Variants in PACRG observed in about 807,000 individuals in gnomAD.
PACRG encodes the protein parkin coregulated, also known as parkin coregulated gene protein.
A neutral mutation model predicts 29.7 loss-of-function variants in PACRG; 29 were observed. That is an observed-to-expected ratio of 0.98 (90% CI 0.73 to 1.33). PACRG has a LOEUF of 1.33. PACRG is among the 40% of genes most tolerant of loss of function. The pLI, the probability that PACRG is intolerant of heterozygous loss-of-function variation, is 0.00. For missense variants in PACRG, 279 were observed against 316.2 expected, an observed-to-expected ratio of 0.88 and a Z score of 0.89; for synonymous variants, 116 against 118.7, an observed-to-expected ratio of 0.98 and a Z score of 0.15.
At chr6:163,112,126 A>C in intron 4 of PACRG, 1 of 761,268 alleles carries the variant, frequency 1.3e-6, no homozygotes, top group Non-Finnish European at 1.6e-6. Flanking sequence ...AGCACCAGGC[A>C]TCTGCCTCCC....
Position 163,287,503 on chromosome 6 carries a change from C to T in PACRG, c.614-27324C>T, listed in dbSNP as rs529026083. ...GGCTGCCCAGGCCCCTCACAGCCCG[C>T]AGGATCTGGGTCACACCTGAGCCAG... On this transcript the variant is annotated intron_variant, in intron 4 of 4. Transcript: ENST00000366888. Among the ~76,000 whole-genome samples the T allele has an allele frequency of 5.3e-5, 8 of 152,316 alleles. No individual in the cohort carries two copies. The South Asian group carries it at 8.3e-4, about 16-fold the overall frequency.
intron 4 of PACRG, among the ~76,000 whole-genome samples, chr6:163,249,015 CAAAAAAAAA>C (rs57866351): frequency 4.7e-5 from 5 of 107,484 alleles, no homozygotes; most frequent in East Asian, 3.1e-4. Context: ...GACTCTGTCT[CAAAAAAAAA>C]AAAAAAAAAA....
At chr6:163,269,894 CAAAGAAAGAAAG>C (rs1167434790) in intron 4 of PACRG, among the ~76,000 whole-genome samples, 2 of 18,718 alleles carry the variant, frequency 1.1e-4, no homozygotes, top group African/African-American at 2.7e-4. Context: ...AGAAAGAAAA[CAAAGAAAGAAAG>C]AAAGAAAGAA....
At chr6:162,895,581 A>C (rs1795107781) in intron 2 of PACRG, among the ~76,000 whole-genome samples, 1 of 152,246 alleles carries the variant, frequency 6.6e-6, no homozygotes, top group African/African-American at 2.4e-5. Flanking sequence ...CGATCTTGAC[A>C]GTAATGCCTA....
In PACRG at chr6:163,269,963, GAAA is replaced by G. The variant is rs1783746840; in HGVS notation, c.614-44863_614-44861del. Among the ~76,000 whole-genome samples the G allele has an allele frequency of 6.3e-5, 4 of 63,702 alleles. 1 individual carries two copies. The South Asian group carries it at 2.6e-3, about 41-fold the overall frequency. 41.8% of individuals were successfully genotyped at this position (63,702 alleles called of 152,430 possible). A position where few individuals can be genotyped will look rare whatever the true frequency, so the allele number is the denominator to read the frequency against. Reference sequence around the variant, plus strand: ...AGAAAGAAAGAAAGAAAGAAAGAAAGAAAGAAAGAAAGAAAGAAAGAAAGAAAG... The same window carrying G: ...AGAAAGAAAGAAAGAAAGAAAGAAAGGAAAGAAAGAAAGAAAGAAAGAAAG... On this transcript the variant is annotated intron_variant, in intron 4 of 4. Transcript: ENST00000366888.
chr6:162,850,278 A>C lies in PACRG; in HGVS notation c.291+35997A>C, dbSNP rs1479956512. ...TGTTGGCTTTCTAATGTGATAGAGTAGGCATGCATAGATTAAAACTATGAT... is the reference window on the plus strand; with the variant it reads ...TGTTGGCTTTCTAATGTGATAGAGTCGGCATGCATAGATTAAAACTATGAT... On this transcript the variant is annotated intron_variant, in intron 2 of 4. Transcript: ENST00000366888. Among the ~76,000 whole-genome samples, 4 of 152,242 alleles carry C rather than the reference A, an allele frequency of 2.6e-5. No individual in the cohort carries two copies. In the East Asian group the frequency reaches 7.7e-4, roughly 29 times the overall value.
chr6:162,900,296 A>G (rs941457619), intron 2 of PACRG, among the ~76,000 whole-genome samples: 7 of 152,032 alleles, frequency 4.6e-5, no homozygotes, highest in Non-Finnish European at 1.0e-4. Flanking sequence ...TGAGACATCA[A>G]TTTTACTCCA....
intron 4 of PACRG, among the ~76,000 whole-genome samples, chr6:163,260,169 A>G (rs1452053953): frequency 6.6e-6 from 1 of 152,040 alleles, no homozygotes; most frequent in African/African-American, 2.4e-5. Flanking sequence ...AAGCACTTCC[A>G]TGGAGCTCTG....
At chr6:162,963,271 C>T (rs1417860492) in intron 2 of PACRG, among the ~76,000 whole-genome samples, 2 of 151,966 alleles carry the variant, frequency 1.3e-5, no homozygotes, top group Non-Finnish European at 2.9e-5. Context: ...AAAGATTTTT[C>T]CAAGATGTGA....
At chr6:162,989,647 A>C (rs912169303) in intron 2 of PACRG, among the ~76,000 whole-genome samples, 2 of 152,084 alleles carry the variant, frequency 1.3e-5, no homozygotes, top group African/African-American at 4.8e-5. Context: ...ATTTTTATGA[A>C]TATTTTCAAT....
intron 4 of PACRG, among the ~76,000 whole-genome samples, chr6:163,146,379 T>G (rs141324718): frequency 6.6e-6 from 1 of 152,346 alleles, no homozygotes; most frequent in African/African-American, 2.4e-5. Context: ...ATCTGAATTA[T>G]GAGTTATTCA....
chr6:162,945,677 T>A (rs979125579), intron 2 of PACRG, among the ~76,000 whole-genome samples: 1 of 152,068 alleles, frequency 6.6e-6, no homozygotes, highest in Non-Finnish European at 1.5e-5. Flanking sequence ...ATATTTGAAC[T>A]GACAGCTGCA....
intron 1 of PACRG, among the ~76,000 whole-genome samples, chr6:162,749,873 AAT>A (rs1781388984): frequency 2.0e-5 from 3 of 152,194 alleles, no homozygotes; most frequent in Admixed American, 2.0e-4. Context: ...TGAATATAGT[AAT>A]ACTTTCATAT....
chr6:163,088,411 C>T (rs1195928958), intron 3 of PACRG, among the ~76,000 whole-genome samples: 1 of 152,088 alleles, frequency 6.6e-6, no homozygotes, highest in African/African-American at 2.4e-5. Flanking sequence ...GTACTTTTAG[C>T]CATCTTAGAA....
intron 1 of PACRG, among the ~76,000 whole-genome samples, chr6:162,730,614 TTATTTA>T (rs1294346510): frequency 6.6e-6 from 1 of 152,150 alleles, no homozygotes; most frequent in African/African-American, 2.4e-5. Flanking sequence ...GCAGAAATGC[TTATTTA>T]AACAATCTGG....
intron 4 of PACRG, among the ~76,000 whole-genome samples, chr6:163,217,516 A>G (rs1355363610): frequency 6.6e-6 from 1 of 152,196 alleles, no homozygotes; most frequent in East Asian, 1.9e-4. Flanking sequence ...CCCCGAGGGT[A>G]GGGGTTCCCG....
intron 2 of PACRG, among the ~76,000 whole-genome samples, chr6:162,862,789 C>G (rs761156869): frequency 6.6e-6 from 1 of 152,132 alleles, no homozygotes; most frequent in African/African-American, 2.4e-5. Context: ...GCCACCACAT[C>G]CCAGGCTGCA....
chr6:163,269,789 A>AAGG lies in PACRG; in HGVS notation c.614-45037_614-45036insGGA, dbSNP rs58330449. Among the ~76,000 whole-genome samples the AAGG allele has an allele frequency of 3.4e-4, 29 of 84,614 alleles. 2 individuals carry two copies. Among genetic ancestry groups the AAGG allele is most frequent in the East Asian group, 1.4e-3 (4 of 2,764 alleles). The allele number at this position is 84,614 out of a possible 152,430, so 55.5% of individuals were successfully genotyped here. On this transcript the variant is annotated intron_variant, in intron 4 of 4. Transcript: ENST00000366888. ...GACAGACAGACAGACAGACAGAAAG[A>AAGG]AAGAAAGGAAGGAAGGAAGGAAGGA...
chr6:162,956,362 A>G (rs1800034675), intron 2 of PACRG, among the ~76,000 whole-genome samples: 3 of 152,122 alleles, frequency 2.0e-5, no homozygotes, highest in African/African-American at 7.2e-5. Context: ...TAAGTTGTCA[A>G]ATTACCCTTA....
Sources: gnomAD v4.1 joint callset for allele counts (sites outside exome capture counted in the v4.1 genomes callset) on GRCh38, gnomAD v4.1.1 for gene constraint, MANE v1.5 for transcripts, NCBI Gene and HGNC (gene_info 2026-07-23, HGNC 2026-07-21) for gene names.